The following NCOA2 variants were observed in gnomAD, a reference collection of about 807,000 sequenced individuals.
NCOA2 encodes the protein nuclear receptor coactivator 2.
NCOA2 carries 21 observed loss-of-function variants against 145.1 expected under a neutral mutation model. That is an observed-to-expected ratio of 0.14 (90% CI 0.10 to 0.21). The LOEUF is 0.21. Ranked by LOEUF, NCOA2 falls within the 10% of genes least tolerant of loss-of-function variation. NCOA2 has a pLI of 1.00. For missense variants in NCOA2, 1,472 were observed against 1,837.6 expected, an observed-to-expected ratio of 0.80 and a Z score of 3.64; for synonymous variants, 619 against 637.5, an observed-to-expected ratio of 0.97 and a Z score of 0.44.
intron 2 of NCOA2, among the ~76,000 whole-genome samples, chr8:70,281,152 G>A (rs75576052): frequency 6.6e-6 from 1 of 151,698 alleles, no homozygotes; most frequent in Non-Finnish European, 1.5e-5. Flanking sequence ...TCAGGAGTTC[G>A]AGACCAGCCT....
chr8:70,340,451 C>G (rs550650083), intron 1 of NCOA2, among the ~76,000 whole-genome samples: 23 of 152,244 alleles, frequency 1.5e-4, no homozygotes, highest in Admixed American at 9.2e-4. Flanking sequence ...ACAGCAAATG[C>G]TAGCGAGGTT....
rs141874311 is a variant in NCOA2, at chr8:70,377,651, C to A, written c.-77+26049G>T. ...GGAATTTTTAGTCTAGAATTCCAGG[C>A]ATTGAATTAAAAAGAATGTTTCCCA... is the stretch of plus-strand genomic sequence containing the variant. On this transcript the variant is annotated intron_variant, in intron 1 of 22. Coordinates refer to ENST00000452400, the MANE Select transcript of NCOA2 (RefSeq NM_006540.4). Among the ~76,000 whole-genome samples, 566 of 152,124 alleles carry A rather than the reference C, an allele frequency of 3.7e-3. 8 individuals carry two copies. Among genetic ancestry groups the A allele is most frequent in the African/African-American group, 0.013 (530 of 41,484 alleles).
chr8:70,420,777 T>C, the NCOA2 span, among the ~76,000 whole-genome samples: 2 of 151,108 alleles, frequency 1.3e-5, no homozygotes, highest in Non-Finnish European at 2.9e-5. Flanking sequence ...CCCGAGTAGC[T>C]GGGACTACAA....
At chr8:70,268,511 TTTTC>T (rs558468184) in intron 2 of NCOA2, among the ~76,000 whole-genome samples, 21 of 152,326 alleles carry the variant, frequency 1.4e-4, no homozygotes, top group African/African-American at 4.3e-4. Context: ...TTCCCTTTAT[TTTTC>T]TTTCTAAGTC....
At chr8:70,371,665 C>CTGT (rs143143280) in intron 1 of NCOA2, among the ~76,000 whole-genome samples, 1,816 of 152,086 alleles carry the variant, frequency 0.012, 40 homozygotes, top group African/African-American at 0.041. Context: ...ATCTACAGTT[C>CTGT]TGTTGTTGTT....
intron 2 of NCOA2, among the ~76,000 whole-genome samples, chr8:70,272,248 C>G (rs1825109010): frequency 6.6e-6 from 1 of 152,098 alleles, no homozygotes; most frequent in Non-Finnish European, 1.5e-5. Flanking sequence ...TATTCTGCTA[C>G]AGGTATAGAC....
chr8:70,257,799 T>C (rs758811000), intron 2 of NCOA2, among the ~76,000 whole-genome samples: 1 of 152,010 alleles, frequency 6.6e-6, no homozygotes, highest in Non-Finnish European at 1.5e-5. Context: ...ACTGGCAGTA[T>C]CTTGCTTCTC....
intron 14 of NCOA2, among the ~76,000 whole-genome samples, chr8:70,138,565 G>C (rs1810009590): frequency 6.6e-6 from 1 of 152,144 alleles, no homozygotes; most frequent in Admixed American, 6.5e-5. Flanking sequence ...TAGCATTTAA[G>C]ACTTTAAATA....
intron 2 of NCOA2, among the ~76,000 whole-genome samples, chr8:70,261,586 TATAATAATAATA>T (rs575587018): frequency 6.6e-6 from 1 of 151,062 alleles, no homozygotes; most frequent in African/African-American, 2.4e-5. Context: ...AAACTTAAAG[TATAATAATAATA>T]ATAATAATAA....
the NCOA2 span, among the ~76,000 whole-genome samples, chr8:70,422,630 T>C: frequency 6.6e-6 from 1 of 152,092 alleles, no homozygotes; most frequent in African/African-American, 2.4e-5. Context: ...AGGATGATCT[T>C]GAACTCCTGG....
Position 70,166,715 on chromosome 8 carries a change from T to C in NCOA2, c.581A>G (p.Asn194Ser). ...GSWSGEPPRRNSHTFNCRMLV... is the reference protein window; with the variant it reads ...GSWSGEPPRRSSHTFNCRMLV... ...CATCCGACAATTGAAGGTATGGCTG[T>C]TCCGCCTCGGAGGTTCGCCAGACCA... The change falls in exon 7 of 23, where the codon AAC (asparagine) becomes AGC (serine). Residue 194 changes from asparagine to serine, a missense_variant. Around this residue, in one of 4 missense-constraint regions of NCOA2, gnomAD observed 284 missense variants for 467.8 expected, o/e 0.61. Coordinates refer to ENST00000452400, the MANE Select transcript of NCOA2 (RefSeq NM_006540.4). 1 of 1,614,014 alleles carries C rather than the reference T, an allele frequency of 6.2e-7. No individual in the cohort carries two copies. Among genetic ancestry groups the C allele is most frequent in the Non-Finnish European group, 8.5e-7 (1 of 1,179,870 alleles).
intron 15 of NCOA2, among the ~76,000 whole-genome samples, chr8:70,136,210 CTA>C: frequency 6.6e-6 from 1 of 152,132 alleles, no homozygotes. Flanking sequence ...CCTGTCTCTA[CTA>C]TAAATACAAA....
Position 70,156,527 on chromosome 8 carries a change from T to C in NCOA2, c.1838A>G (p.Asn613Ser). ...SCHPGEQKET[N>S]DPNLPPAVSS... Reference sequence around the variant, plus strand: ...CACGGCCGGGGGCAGGTTGGGGTCATTTGTTTCCTTTTGCTCTCCAGGATG... The same window carrying C: ...CACGGCCGGGGGCAGGTTGGGGTCACTTGTTTCCTTTTGCTCTCCAGGATG... Residue 613 changes from asparagine to serine, a missense_variant, in exon 11 of 23, where the codon AAT becomes AGT. This residue lies in a region of NCOA2 where 953 missense variants were observed against 1,062.1 expected (regional missense o/e 0.90). Transcript: ENST00000452400. The C allele has an allele frequency of 6.2e-7, 1 of 1,613,864 alleles. No individual in the cohort carries two copies. The highest frequency in any genetic ancestry group is 1.1e-5 in the South Asian group (1 of 91,082).
intron 2 of NCOA2, among the ~76,000 whole-genome samples, chr8:70,262,969 C>A (rs899738866): frequency 1.3e-5 from 2 of 151,718 alleles, no homozygotes; most frequent in Admixed American, 1.3e-4. Context: ...TTTACAATTT[C>A]AGATAGAAAA....
chr8:70,354,218 A>G (rs533122399), intron 1 of NCOA2, among the ~76,000 whole-genome samples: 14 of 152,324 alleles, frequency 9.2e-5, no homozygotes, highest in Non-Finnish European at 1.9e-4. Context: ...TTTTTATAAA[A>G]GTGATTTAAA....
At chr8:70,230,106 T>G (rs1384764622) in intron 2 of NCOA2, among the ~76,000 whole-genome samples, 2 of 152,200 alleles carry the variant, frequency 1.3e-5, no homozygotes, top group African/African-American at 4.8e-5. Flanking sequence ...TGAAAACTTT[T>G]GAGCTGAAGA....
chr8:70,347,774 C>A (rs1808816413), intron 1 of NCOA2, among the ~76,000 whole-genome samples: 2 of 152,136 alleles, frequency 1.3e-5, no homozygotes, highest in South Asian at 4.1e-4. Flanking sequence ...CAAGCAGAAA[C>A]CTTATTATAC....
intron 1 of NCOA2, among the ~76,000 whole-genome samples, chr8:70,380,677 C>T (rs1055597584): frequency 4.6e-5 from 7 of 152,154 alleles, no homozygotes; most frequent in African/African-American, 1.4e-4. Flanking sequence ...ACTATTATTA[C>T]GCTACCACGG....
chr8:70,160,696 A>G (rs528029352), intron 9 of NCOA2, among the ~76,000 whole-genome samples: 7 of 138,314 alleles, frequency 5.1e-5, no homozygotes, highest in African/African-American at 1.3e-4. Flanking sequence ...AGAGAGAGAG[A>G]GAGAGACTGA....
Sources: allele counts gnomAD v4.1 joint callset (sites outside exome capture counted in the v4.1 genomes callset), GRCh38; gene constraint gnomAD v4.1.1; regional missense constraint gnomAD v4.1.1; transcripts MANE v1.5; gene names NCBI Gene and HGNC (gene_info 2026-07-23, HGNC 2026-07-21).